SEMA6D: variants seen among roughly 807,000 people sequenced by gnomAD.
SEMA6D encodes the protein semaphorin 6D, also known as semaphorin-6D.
Under a neutral mutation model 106.6 loss-of-function variants are expected in SEMA6D, and 35 were observed. The ratio of observed to expected loss-of-function variants is 0.33; its 90% confidence interval spans 0.25 to 0.44. The LOEUF (loss-of-function observed/expected upper bound fraction) is 0.44, where lower values mean the gene tolerates loss of function less well. Among genes scored for constraint, SEMA6D ranks in the 20% least tolerant of loss-of-function variants. The pLI is 1.00. For missense variants in SEMA6D, 1,185 were observed against 1,345.9 expected, an observed-to-expected ratio of 0.88 and a Z score of 1.87; for synonymous variants, 499 against 487.7, an observed-to-expected ratio of 1.02 and a Z score of -0.31.
intron 1 of SEMA6D, among the ~76,000 whole-genome samples, chr15:47,758,444 A>AG (rs575357918): frequency 3.8e-4 from 54 of 141,928 alleles, no homozygotes; most frequent in South Asian, 1.5e-3. Flanking sequence ...GTTTTGGTTG[A>AG]GGGGGGGGTG....
intron 4 of SEMA6D, among the ~76,000 whole-genome samples, chr15:47,617,291 ATAGT>A (rs2077023969): frequency 6.6e-6 from 1 of 152,222 alleles, no homozygotes; most frequent in African/African-American, 2.4e-5. Context: ...TGAGAAAATC[ATAGT>A]TAGTAGTTGA....
rs774172446 is a variant in SEMA6D, at chr15:47,344,697, A to G, written c.-238-67696A>G. On this transcript the variant is annotated intron_variant, in intron 1 of 19. Coordinates refer to the SEMA6D transcript ENST00000558014. The stretch of plus-strand genomic sequence containing the variant: ...ATTCAGTTAAGTATTGGTCAGTGCA[A>G]TGTTGTACTGGATGTTCCAACTAGC... 1.5e-4 allele frequency among the ~76,000 whole-genome samples: 23 copies of G among 152,344 alleles called. No homozygotes were observed. The East Asian group carries it at 2.3e-3, about 15-fold the overall frequency.
At chr15:47,428,267 A>G (rs962734986) in intron 2 of SEMA6D, among the ~76,000 whole-genome samples, 1 of 152,140 alleles carries the variant, frequency 6.6e-6, no homozygotes, top group Non-Finnish European at 1.5e-5. Flanking sequence ...AGAGAAAAGA[A>G]TAATGAGTTT....
chr15:47,667,621 C>G (rs1368458777), intron 4 of SEMA6D, among the ~76,000 whole-genome samples: 1 of 152,132 alleles, frequency 6.6e-6, no homozygotes, highest in African/African-American at 2.4e-5. Flanking sequence ...AGTCCAGGAC[C>G]AAGGAAGACT....
intron 1 of SEMA6D, among the ~76,000 whole-genome samples, chr15:47,287,628 A>G (rs551006925): frequency 6.6e-6 from 1 of 152,304 alleles, no homozygotes; most frequent in South Asian, 2.1e-4. Context: ...AAATTGTTCC[A>G]CATCCACAAA....
chr15:47,733,185 C>CT (rs1351743091), intron 1 of SEMA6D, among the ~76,000 whole-genome samples: 1 of 152,170 alleles, frequency 6.6e-6, no homozygotes, highest in East Asian at 1.9e-4. Flanking sequence ...TACCCACTCA[C>CT]TTTTTTTTAA....
chr15:47,771,892 C>G lies in SEMA6D; in HGVS notation c.*107C>G, dbSNP rs2082646436. ...GAGACTCGCTTGTATTTTAAGAGAA[C>G]CAAGTGGCCAAAGAAACTCTTTCTA... On this transcript the variant is annotated 3_prime_UTR_variant, in exon 19 of 19. Coordinates refer to ENST00000536845, the MANE Select transcript of SEMA6D (RefSeq NM_001358351.3). 5 of 1,194,368 alleles carry G rather than the reference C, an allele frequency of 4.2e-6. No homozygotes were observed. The allele number at this position is 1,194,368 out of a possible 1,614,324, so 74.0% of individuals were successfully genotyped here.
chr15:47,219,955 T>C (rs771669327), intron 1 of SEMA6D, among the ~76,000 whole-genome samples: 1 of 152,130 alleles, frequency 6.6e-6, no homozygotes, highest in Non-Finnish European at 1.5e-5. Context: ...GTGGTTTGGC[T>C]CTAATCCACG....
intron 1 of SEMA6D, among the ~76,000 whole-genome samples, chr15:47,254,331 G>GTATATATATATATATATATATA (rs3050479): frequency 6.5e-5 from 9 of 139,262 alleles, no homozygotes; most frequent in African/African-American, 2.4e-4. Context: ...GTGTGTGTGT[G>GTATATATATATATATATATATA]TATATATATA....
intron 2 of SEMA6D, among the ~76,000 whole-genome samples, chr15:47,462,705 G>A (rs2042550797): frequency 6.6e-6 from 1 of 152,064 alleles, no homozygotes; most frequent in South Asian, 2.1e-4. Flanking sequence ...GTGAGCCATA[G>A]CGAATTGTGA....
rs767527030 is a variant in SEMA6D at position 47,766,185 on chromosome 15, A to G, written c.1646+3A>G. The G allele has an allele frequency of 8.7e-6, 14 of 1,611,986 alleles. No homozygotes were observed. In the East Asian group the frequency reaches 1.8e-4, roughly 21 times the overall value. ...GGTAGAGTGACCCCAGGGATGCTGT[A>G]AGTATACTTTGTCACATGAGCTAGG... On this transcript the variant is annotated splice_donor_region_variant and intron_variant, in intron 15 of 18. Coordinates refer to ENST00000536845, the MANE Select transcript of SEMA6D (RefSeq NM_001358351.3).
chr15:47,196,638 T>C (rs1894379714), intron 1 of SEMA6D, among the ~76,000 whole-genome samples: 1 of 152,244 alleles, frequency 6.6e-6, no homozygotes, highest in Non-Finnish European at 1.5e-5. Flanking sequence ...GTTAATTGAC[T>C]GAGTATTTTG....
At chr15:47,589,003 C>A (rs1258608099) in intron 3 of SEMA6D, among the ~76,000 whole-genome samples, 1 of 152,200 alleles carries the variant, frequency 6.6e-6, no homozygotes, top group Non-Finnish European at 1.5e-5. Context: ...GTGCACAGAA[C>A]AGACCCCCAA....
At chr15:47,737,087 AAGT>A (rs1315668949) in intron 1 of SEMA6D, among the ~76,000 whole-genome samples, 8 of 152,270 alleles carry the variant, frequency 5.3e-5, no homozygotes, top group South Asian at 2.1e-4. Flanking sequence ...AGGAAGGAAA[AAGT>A]AGGAGGTAAG....
intron 1 of SEMA6D, chr15:47,397,389 G>A (rs1264188142): frequency 6.6e-6 from 1 of 152,170 alleles, no homozygotes. Flanking sequence ...GGCCTTATGA[G>A]GGCAGATAGT....
chr15:47,449,458 G>A (rs1195215724), intron 2 of SEMA6D, among the ~76,000 whole-genome samples: 1 of 152,058 alleles, frequency 6.6e-6, no homozygotes, highest in African/African-American at 2.4e-5. Flanking sequence ...TGCATCTGAA[G>A]GCAGGTTCTT....
chr15:47,609,483 A>G (rs2076850540), intron 4 of SEMA6D, among the ~76,000 whole-genome samples: 1 of 152,184 alleles, frequency 6.6e-6, no homozygotes, highest in Non-Finnish European at 1.5e-5. Context: ...CTATTTAGGT[A>G]CGTATTCGCT....
chr15:47,453,187 A>G (rs1238799132), intron 2 of SEMA6D, among the ~76,000 whole-genome samples: 1 of 151,974 alleles, frequency 6.6e-6, no homozygotes, highest in Non-Finnish European at 1.5e-5. Context: ...ATATTAGGAT[A>G]AAATTTAATT....
chr15:47,631,466 T>G, intron 4 of SEMA6D, among the ~76,000 whole-genome samples: 1 of 148,790 alleles, frequency 6.7e-6, no homozygotes. Context: ...GAAAAAAAAA[T>G]GAAAGAAAAA....
Sources: gnomAD v4.1 joint callset for allele counts (sites outside exome capture counted in the v4.1 genomes callset) on GRCh38, gnomAD v4.1.1 for gene constraint, MANE v1.5 for transcripts, NCBI Gene and HGNC (gene_info 2026-07-23, HGNC 2026-07-21) for gene names.